GPT2: variants seen among roughly 807,000 people sequenced by gnomAD.
GPT2 encodes the protein glutamic--pyruvic transaminase 2.
Under a neutral mutation model 56.9 loss-of-function variants are expected in GPT2, and 30 were observed. That is an observed-to-expected ratio of 0.53 (90% CI 0.39 to 0.72). The LOEUF is 0.72. GPT2 is among the 30% of genes least tolerant of loss of function. The probability of loss-of-function intolerance (pLI) is 0.00; values close to 1 mark genes in which losing one functional copy is unlikely to be tolerated. For missense variants in GPT2, 542 were observed against 703.4 expected (o/e 0.77, Z 2.60); for synonymous variants, 271 against 283.1 (o/e 0.96, Z 0.43).
At chr16:46,913,454 G>T (rs1360767243) in intron 6 of GPT2, among the ~76,000 whole-genome samples, 1 of 152,202 alleles carries the variant, frequency 6.6e-6, no homozygotes, top group Non-Finnish European at 1.5e-5. Context: ...AATAGTGGCT[G>T]GTTTCTTATA....
intron 8 of GPT2, among the ~76,000 whole-genome samples, chr16:46,921,378 G>C (rs376229847): frequency 1.4e-4 from 21 of 152,240 alleles, no homozygotes; most frequent in East Asian, 9.7e-4. Context: ...TCACCATGTT[G>C]GCCAGGCTAG....
intron 1 of GPT2, 105 bp downstream of exon 1, chr16:46,884,572 A>C: frequency 9.5e-7 from 1 of 1,058,084 alleles, no homozygotes; most frequent in Non-Finnish European, 1.2e-6. Context: ...GGGGATGGGC[A>C]CCAGCGCCGA....
At chr16:46,895,176 G>T (rs1389895701) in intron 2 of GPT2, among the ~76,000 whole-genome samples, 1 of 152,150 alleles carries the variant, frequency 6.6e-6, no homozygotes, top group Non-Finnish European at 1.5e-5. Flanking sequence ...AGAAAAACAT[G>T]TTTAGCTGCT....
intron 2 of GPT2, among the ~76,000 whole-genome samples, chr16:46,893,007 A>G (rs1272108054): frequency 6.6e-6 from 1 of 152,232 alleles, no homozygotes; most frequent in Non-Finnish European, 1.5e-5. Flanking sequence ...GATTACATAT[A>G]ATACGTAGTA....
intron 2 of GPT2, among the ~76,000 whole-genome samples, chr16:46,892,636 G>A (rs1006189097): frequency 6.6e-6 from 1 of 152,156 alleles, no homozygotes; most frequent in East Asian, 1.9e-4. Context: ...AGTATGAGAT[G>A]ATATCTCATT....
rs769698704 is a variant in GPT2, at chr16:46,916,615, G to A, written c.821-13G>A. On this transcript the variant is annotated splice_polypyrimidine_tract_variant and intron_variant, in intron 6 of 11. Coordinates refer to ENST00000340124, the MANE Select transcript of GPT2 (RefSeq NM_133443.4). ...TTACAACCGACATTTTGGTTTTCTT[G>A]GGGATTTTATAGGCCAGGTACAAAG... 2 of 1,608,840 alleles carry A rather than the reference G, an allele frequency of 1.2e-6. No homozygotes were observed. Among genetic ancestry groups the A allele is most frequent in the East Asian group, 2.2e-5 (1 of 44,840 alleles).
At chr16:46,913,376 G>A (rs1961080906) in intron 6 of GPT2, among the ~76,000 whole-genome samples, 1 of 152,194 alleles carries the variant, frequency 6.6e-6, no homozygotes, top group Admixed American at 6.5e-5. Context: ...AGCATGGAAG[G>A]GCAAGACCAG....
chr16:46,895,524 CA>C (rs893855510), intron 2 of GPT2, among the ~76,000 whole-genome samples: 9 of 142,770 alleles, frequency 6.3e-5, no homozygotes, highest in African/African-American at 7.8e-5. Context: ...AACCCTGTCT[CA>C]AAAAAAAAAC....
chr16:46,919,402 C>G (rs1448690131), intron 8 of GPT2, among the ~76,000 whole-genome samples: 1 of 152,130 alleles, frequency 6.6e-6, no homozygotes, highest in Non-Finnish European at 1.5e-5. Context: ...GTGGTGCAGC[C>G]TCACTGAGGA....
rs1237987111 is a variant in GPT2 at position 46,900,748 on chromosome 16, CGTGCCCGGCGG to C, written c.401_411del (p.Arg134HisfsTer16). Reference sequence around the variant, plus strand: ...CAGCTTCCCAGAAGATGCTAAGAAACGTGCCCGGCGGATCCTGCAGGCTTGTGGCGGGAACA... The same window carrying C: ...CAGCTTCCCAGAAGATGCTAAGAAACATCCTGCAGGCTTGTGGCGGGAACA... On this transcript the variant is annotated frameshift_variant, in exon 4 of 12. Transcript: ENST00000340124. LOFTEE classifies it high-confidence loss of function. 6.2e-7 allele frequency: 1 copy of C among 1,613,984 alleles called. No homozygotes were observed. The highest frequency in any genetic ancestry group is 1.3e-5 in the African/African-American group (1 of 74,932).
intron 3 of GPT2, among the ~76,000 whole-genome samples, chr16:46,899,771 G>C (rs563114040): frequency 2.6e-5 from 4 of 152,368 alleles, no homozygotes; most frequent in Admixed American, 6.5e-5. Flanking sequence ...CCCCTCATGG[G>C]CCTGGGTTTA....
chr16:46,924,750 G>C (rs747791856), intron 10 of GPT2, among the ~76,000 whole-genome samples: 3 of 152,214 alleles, frequency 2.0e-5, no homozygotes, highest in Non-Finnish European at 4.4e-5. Context: ...CAAACATGAG[G>C]TGGGCCCCAG....
At chr16:46,898,231 G>A (rs972564022) in intron 3 of GPT2, among the ~76,000 whole-genome samples, 2 of 152,192 alleles carry the variant, frequency 1.3e-5, no homozygotes, top group African/African-American at 2.4e-5. Context: ...TTGGTGAGGC[G>A]ATGAGTGCAG....
Position 46,884,852 on chromosome 16 carries a change from G to T in GPT2, c.137G>T (p.Arg46Leu), listed in dbSNP as rs1960451564. Residue 46 changes from arginine to leucine, a missense_variant, in exon 2 of 12, where the codon CGC becomes CTC. Arg to Leu is a moderately radical substitution (Grantham distance 102). Coordinates refer to ENST00000340124, the MANE Select transcript of GPT2 (RefSeq NM_133443.4). Reference sequence around the variant, plus strand: ...CGGCCCGAGCGCAGCCGGCGCGAGCGCATCCTCACGCTGGAGTCCATGAAC... The same window carrying T: ...CGGCCCGAGCGCAGCCGGCGCGAGCTCATCCTCACGCTGGAGTCCATGAAC... ...KVRPERSRRE[R>L]ILTLESMNPQ... 1 of 1,542,600 alleles carries T rather than the reference G, an allele frequency of 6.5e-7. No individual in the cohort carries two copies. The highest frequency in any genetic ancestry group is 1.4e-5 in the African/African-American group (1 of 71,976).
intron 2 of GPT2, 106 bp downstream of exon 2, chr16:46,885,064 T>G (rs1448152544): frequency 7.4e-7 from 1 of 1,355,022 alleles, no homozygotes; most frequent in Non-Finnish European, 9.5e-7. Flanking sequence ...CATGGCCAGC[T>G]CCTCAGTCAG....
chr16:46,921,827 G>A (rs1336979443), intron 8 of GPT2, among the ~76,000 whole-genome samples: 1 of 152,028 alleles, frequency 6.6e-6, no homozygotes, highest in Non-Finnish European at 1.5e-5. Flanking sequence ...GACCAGACTG[G>A]GCAACATAGC....
intron 10 of GPT2, 72 bp from the exon 11 acceptor site, chr16:46,926,853 C>T: frequency 2.0e-6 from 2 of 986,570 alleles, no homozygotes. Context: ...ATTTAGATTA[C>T]ATTTGGCTTT....
rs753826604 is a variant in GPT2, at chr16:46,909,678, T to G, written c.577-6T>G. The G allele has an allele frequency of 9.9e-6, 16 of 1,612,448 alleles. No individual in the cohort carries two copies. Among genetic ancestry groups the G allele is most frequent in the Non-Finnish European group, 1.3e-5 (15 of 1,178,848 alleles). On this transcript the variant is annotated splice_region_variant and splice_polypyrimidine_tract_variant and intron_variant, in intron 5 of 11. Coordinates refer to ENST00000340124, the MANE Select transcript of GPT2 (RefSeq NM_133443.4). ...TGGCTTTCTAGATGTGAATTCTCTG[T>G]TGCAGACGATCCTGAAGATCCTCGT...
At chr16:46,898,864 TTATATACATA>T (rs1284837999) in intron 3 of GPT2, among the ~76,000 whole-genome samples, 1 of 144,858 alleles carries the variant, frequency 6.9e-6, no homozygotes, top group African/African-American at 2.5e-5. Flanking sequence ...TTATTTATAT[TTATATACATA>T]TATATATATA....
Sources: gnomAD v4.1 joint callset for allele counts (sites outside exome capture counted in the v4.1 genomes callset) on GRCh38, gnomAD v4.1.1 for gene constraint, MANE v1.5 for transcripts, NCBI Gene and HGNC (gene_info 2026-07-23, HGNC 2026-07-21) for gene names.